RBFOX1: variants seen among roughly 807,000 people sequenced by gnomAD.
The protein encoded by RBFOX1 is RNA binding protein fox-1 homolog 1.
In RBFOX1, 8 loss-of-function variants were observed where a neutral mutation model predicts 57.7. The observed-to-expected ratio is 0.14, with a 90% CI of 0.08 to 0.25. The LOEUF is 0.25. Ranked by LOEUF, RBFOX1 falls within the 10% of genes least tolerant of loss-of-function variation. The pLI is 1.00. For synonymous variants in RBFOX1, 326 were observed against 222.4 expected (o/e 1.47, Z -4.15); for missense variants, 611 against 548.5 (o/e 1.11, Z -1.14).
At chr16:6,314,252 C>T (rs527612569) in intron 1 of RBFOX1, among the ~76,000 whole-genome samples, 2 of 152,286 alleles carry the variant, frequency 1.3e-5, no homozygotes, top group East Asian at 1.9e-4. Flanking sequence ...GTGAGCAGTA[C>T]ATAAGGGGCC....
chr16:6,255,099 A>C (rs1213076645), intron 1 of RBFOX1, among the ~76,000 whole-genome samples: 1 of 152,276 alleles, frequency 6.6e-6, no homozygotes, highest in South Asian at 2.1e-4. Flanking sequence ...TTTTCAGCTC[A>C]GCAGGCTGGG....
At chr16:7,422,084 A>G (rs1217555176) in intron 4 of RBFOX1, among the ~76,000 whole-genome samples, 1 of 152,156 alleles carries the variant, frequency 6.6e-6, no homozygotes, top group Non-Finnish European at 1.5e-5. Context: ...AAATAGACAA[A>G]GAGAAATGGA....
chr16:5,955,539 G>C (rs190465373), intron 4 of RBFOX1, among the ~76,000 whole-genome samples: 11 of 152,066 alleles, frequency 7.2e-5, no homozygotes, highest in African/African-American at 1.7e-4. Flanking sequence ...CAGTAGCAAA[G>C]GTTTATTGAA....
At chr16:5,553,305 C>T (rs140115148) in intron 2 of RBFOX1, among the ~76,000 whole-genome samples, 73 of 147,486 alleles carry the variant, frequency 4.9e-4, no homozygotes, top group African/African-American at 1.8e-3. Context: ...AGGTGTATGC[C>T]ATATGTCTGA....
At chr16:7,648,670 G>C (rs1262018331) in intron 11 of RBFOX1, among the ~76,000 whole-genome samples, 2 of 152,180 alleles carry the variant, frequency 1.3e-5, no homozygotes, top group Admixed American at 6.5e-5. Context: ...TGGGTTGTCA[G>C]AGAGCATGGT....
chr16:5,865,062 A>G (rs1385104181), intron 3 of RBFOX1, among the ~76,000 whole-genome samples: 1 of 152,174 alleles, frequency 6.6e-6, no homozygotes, highest in Non-Finnish European at 1.5e-5. Flanking sequence ...GATGATGTAA[A>G]TGACACAAGG....
intron 3 of RBFOX1, among the ~76,000 whole-genome samples, chr16:6,813,970 C>T (rs1211220009): frequency 2.0e-5 from 3 of 152,180 alleles, no homozygotes; most frequent in Non-Finnish European, 4.4e-5. Context: ...GCTACTAACA[C>T]TCTCATCATG....
intron 1 of RBFOX1, among the ~76,000 whole-genome samples, chr16:6,163,014 G>A (rs751512270): frequency 1.3e-5 from 2 of 152,136 alleles, no homozygotes; most frequent in Non-Finnish European, 2.9e-5. Flanking sequence ...GGTTGCATGT[G>A]CCAACCACTG....
chr16:6,194,996 T>C (rs944805735), intron 1 of RBFOX1, among the ~76,000 whole-genome samples: 1 of 152,180 alleles, frequency 6.6e-6, no homozygotes, highest in Admixed American at 6.5e-5. Context: ...TTCATTCTTT[T>C]TTAATTCATG....
chr16:6,987,456 GACACACACACACACACACAC>G (rs199503873), intron 3 of RBFOX1, among the ~76,000 whole-genome samples: 16 of 135,416 alleles, frequency 1.2e-4, no homozygotes, highest in Admixed American at 3.1e-4. Context: ...AAACTTTTCA[GACACACACACACACACACAC>G]ACACACACAC....
At chr16:6,861,450 C>T (rs879424474) in intron 3 of RBFOX1, among the ~76,000 whole-genome samples, 2 of 151,868 alleles carry the variant, frequency 1.3e-5, no homozygotes, top group East Asian at 3.9e-4. Context: ...AGGCCTGACT[C>T]TCTTTTCCAA....
chr16:6,976,366 A>G (rs997174668), intron 3 of RBFOX1, among the ~76,000 whole-genome samples: 5 of 152,150 alleles, frequency 3.3e-5, no homozygotes, highest in African/African-American at 1.2e-4. Context: ...AGTCCTATCC[A>G]TGAATACATG....
intron 2 of RBFOX1, among the ~76,000 whole-genome samples, chr16:5,522,249 C>T (rs2044050548): frequency 6.6e-6 from 1 of 152,196 alleles, no homozygotes; most frequent in Admixed American, 6.5e-5. Flanking sequence ...TGGACAAGTC[C>T]ATGTACCTCT....
intron 1 of RBFOX1, among the ~76,000 whole-genome samples, chr16:6,056,473 G>T (rs894262493): frequency 6.6e-6 from 1 of 151,926 alleles, no homozygotes; most frequent in African/African-American, 2.4e-5. Flanking sequence ...TTTGAATACT[G>T]GATCTTTATC....
chr16:7,322,411 C>T (rs141927678), intron 4 of RBFOX1, among the ~76,000 whole-genome samples: 11 of 152,348 alleles, frequency 7.2e-5, no homozygotes, highest in Admixed American at 2.0e-4. Flanking sequence ...CGTGATTTCA[C>T]GTGAAAACAG....
rs77084034 is a variant in RBFOX1, at chr16:7,419,259, T to C, written c.28-98888T>C. Reference sequence around the variant, plus strand: ...TCATGTCCTTAGTCTTGTTGGTTGCTGCCTTGTCCCTTTACCTGTTGTTCC... The same window carrying C: ...TCATGTCCTTAGTCTTGTTGGTTGCCGCCTTGTCCCTTTACCTGTTGTTCC... On this transcript the variant is annotated intron_variant, in intron 4 of 15. Transcript: ENST00000550418. Among the ~76,000 whole-genome samples the C allele has an allele frequency of 9.2e-5, 14 of 152,276 alleles. No individual in the cohort carries two copies. In the East Asian group the frequency reaches 2.5e-3, roughly 27 times the overall value.
At chr16:6,080,061 A>G (rs1258348748) in intron 1 of RBFOX1, among the ~76,000 whole-genome samples, 3 of 152,174 alleles carry the variant, frequency 2.0e-5, no homozygotes, top group African/African-American at 7.2e-5. Flanking sequence ...TTAAGGAAAG[A>G]GAGAAGAGTA....
intron 3 of RBFOX1, among the ~76,000 whole-genome samples, chr16:6,956,406 C>T (rs114093298): frequency 0.013 from 1,930 of 152,324 alleles, 41 homozygotes; most frequent in African/African-American, 0.044. Context: ...GCAGGCTCCG[C>T]TGTCTTCCAG....
At chr16:7,200,058 C>G (rs1245404260) in intron 4 of RBFOX1, among the ~76,000 whole-genome samples, 3 of 152,168 alleles carry the variant, frequency 2.0e-5, no homozygotes, top group African/African-American at 4.8e-5. Context: ...AGAGTGAAAT[C>G]TAAAAGTCAG....
Sources: allele counts gnomAD v4.1 joint callset (sites outside exome capture counted in the v4.1 genomes callset), GRCh38; gene constraint gnomAD v4.1.1; transcripts MANE v1.5; gene names NCBI Gene and HGNC (gene_info 2026-07-23, HGNC 2026-07-21).